The following GNAO1 variants were observed in gnomAD, a reference collection of about 807,000 sequenced individuals.
GNAO1 encodes the protein guanine nucleotide-binding protein G(o) subunit alpha.
For missense variants in GNAO1, 166 were observed against 478.7 expected (o/e 0.35, Z 6.10); for synonymous variants, 164 against 180.7 (o/e 0.91, Z 0.74).
chr16:56,314,647 G>A (rs1030460878), intron 3 of GNAO1, among the ~76,000 whole-genome samples: 42 of 152,206 alleles, frequency 2.8e-4, no homozygotes, highest in Non-Finnish European at 1.9e-4. Flanking sequence ...GCCCGGCGCC[G>A]AGTCCAGCGC....
chr16:56,259,253 C>T (rs2036881286), intron 2 of GNAO1, among the ~76,000 whole-genome samples: 2 of 152,224 alleles, frequency 1.3e-5, no homozygotes, highest in South Asian at 2.1e-4. Context: ...AATGCCGCCT[C>T]CTTGTCAGGG....
At chr16:56,292,829 A>G (rs1264478366) in intron 3 of GNAO1, among the ~76,000 whole-genome samples, 3 of 152,230 alleles carry the variant, frequency 2.0e-5, no homozygotes, top group Non-Finnish European at 2.9e-5. Flanking sequence ...AAGCCCTAGT[A>G]TGGTAGCAAC....
At chr16:56,332,585 G>A (rs2037700103) in intron 4 of GNAO1, among the ~76,000 whole-genome samples, 2 of 152,202 alleles carry the variant, frequency 1.3e-5, no homozygotes. Context: ...TGGGAAGGTG[G>A]GGCTGTGTCG....
chr16:56,348,037 C>T, intron 6 of GNAO1: 1 of 980,208 alleles, frequency 1.0e-6, no homozygotes, highest in South Asian at 4.7e-5. Context: ...TGCAGTGGTC[C>T]CACCTCCCAA....
At chr16:56,328,257 A>G (rs1410182901) in intron 3 of GNAO1, among the ~76,000 whole-genome samples, 2 of 152,208 alleles carry the variant, frequency 1.3e-5, no homozygotes, top group East Asian at 3.9e-4. Flanking sequence ...ATGAAAGCAG[A>G]GCTGCTGGTT....
chr16:56,308,743 C>T (rs1029994903), intron 3 of GNAO1, among the ~76,000 whole-genome samples: 10 of 152,224 alleles, frequency 6.6e-5, no homozygotes, highest in Non-Finnish European at 1.3e-4. Flanking sequence ...CCGGCACCCA[C>T]GGGGCTGGGC....
intron 3 of GNAO1, among the ~76,000 whole-genome samples, chr16:56,285,416 C>T (rs1398530817): frequency 6.6e-6 from 1 of 152,174 alleles, no homozygotes; most frequent in Non-Finnish European, 1.5e-5. Flanking sequence ...CCACCAAACC[C>T]CCACCTGGCA....
At chr16:56,338,724 G>A (rs1298265285) in intron 6 of GNAO1, among the ~76,000 whole-genome samples, 1 of 152,236 alleles carries the variant, frequency 6.6e-6, no homozygotes, top group African/African-American at 2.4e-5. Flanking sequence ...GCTCACCTCT[G>A]GAAGATGGAA....
chr16:56,211,054 T>C (rs1164472963), intron 2 of GNAO1, among the ~76,000 whole-genome samples: 1 of 152,224 alleles, frequency 6.6e-6, no homozygotes, highest in Non-Finnish European at 1.5e-5. Context: ...TAGGTTCCTA[T>C]GGCTAGCTAG....
chr16:56,333,490 G>A (rs760557112), intron 4 of GNAO1, among the ~76,000 whole-genome samples: 20 of 152,204 alleles, frequency 1.3e-4, no homozygotes, highest in South Asian at 4.1e-4. Flanking sequence ...GATTACAGGC[G>A]TGAGCCACCG....
In GNAO1 at chr16:56,237,875, TA is replaced by T. The variant is rs371985203; in HGVS notation, c.162-38052del. 2.2e-3 allele frequency among the ~76,000 whole-genome samples: 339 copies of T among 152,326 alleles called. 2 individuals are homozygous for T. Among genetic ancestry groups the T allele is most frequent in the African/African-American group, 7.9e-3 (329 of 41,584 alleles). ...CGTTGCAAGGCCAGCTGGCAACGGA[TA>T]AAAGACCCAAGTTAGTGTCTAGGTT... is the stretch of plus-strand genomic sequence containing the variant. On this transcript the variant is annotated intron_variant, in intron 2 of 8. Coordinates refer to ENST00000262493, the MANE Select transcript of GNAO1 (RefSeq NM_020988.3).
At chr16:56,300,780 C>T (rs2037336793) in intron 3 of GNAO1, 2 of 152,244 alleles carry the variant, frequency 1.3e-5, no homozygotes, top group African/African-American at 4.8e-5. Context: ...TCCCACTTGG[C>T]TCTGGTGCCC....
intron 3 of GNAO1, among the ~76,000 whole-genome samples, chr16:56,283,231 A>G (rs991855133): frequency 1.3e-5 from 2 of 152,062 alleles, no homozygotes; most frequent in African/African-American, 4.8e-5. Flanking sequence ...GAGACTCAAG[A>G]TTTTTCTGTT....
chr16:56,260,515 C>G (rs1195048677), intron 2 of GNAO1, among the ~76,000 whole-genome samples: 2 of 152,150 alleles, frequency 1.3e-5, no homozygotes, highest in African/African-American at 4.8e-5. Context: ...TCCTGCTGGC[C>G]TCTCAGACTG....
intron 3 of GNAO1, among the ~76,000 whole-genome samples, chr16:56,318,272 A>AGC (rs2037533830): frequency 6.6e-6 from 1 of 152,056 alleles, no homozygotes. Context: ...CCTGGGTGGG[A>AGC]GCGCTAGTTA....
chr16:56,325,757 G>A (rs548338632), intron 3 of GNAO1, among the ~76,000 whole-genome samples: 1 of 152,246 alleles, frequency 6.6e-6, no homozygotes, highest in African/African-American at 2.4e-5. Context: ...AGAAACTAAC[G>A]GGATAGGGCT....
chr16:56,207,217 T>C (rs1430727752), intron 2 of GNAO1, among the ~76,000 whole-genome samples: 2 of 152,264 alleles, frequency 1.3e-5, no homozygotes, highest in Non-Finnish European at 2.9e-5. Flanking sequence ...ATTTTGGCTT[T>C]GCCATTTGTT....
chr16:56,251,873 A>G lies in GNAO1; in HGVS notation c.162-24058A>G, dbSNP rs114136781. ...TCTTCCCTGATCAAGAGCTGGCTCC[A>G]GAGTGAACTGTAAAGCACCCCTGTT... On this transcript the variant is annotated intron_variant, in intron 2 of 8. Transcript: ENST00000262493. Among the ~76,000 whole-genome samples, 805 of 152,292 alleles carry G rather than the reference A, an allele frequency of 5.3e-3. 9 individuals carry two copies. Among genetic ancestry groups the G allele is most frequent in the African/African-American group, 0.018 (742 of 41,560 alleles).
At position 56,332,545 on chromosome 16, in the gene GNAO1, C is replaced by T. The variant is rs1235950264; in HGVS notation, c.465-2184C>T. On this transcript the variant is annotated intron_variant, in intron 4 of 8. Coordinates refer to ENST00000262493, the MANE Select transcript of GNAO1 (RefSeq NM_020988.3). Reference sequence around the variant, plus strand: ...ACTCTTCTGTTTACCACCTCACACACGTGTGCACACTCACTTGGAACACAG... The same window carrying T: ...ACTCTTCTGTTTACCACCTCACACATGTGTGCACACTCACTTGGAACACAG... 2.0e-5 allele frequency among the ~76,000 whole-genome samples: 3 copies of T among 152,248 alleles called. No individual in the cohort carries two copies. In the South Asian group the frequency reaches 6.2e-4, roughly 32 times the overall value.
Sources: gnomAD v4.1 joint callset for allele counts (sites outside exome capture counted in the v4.1 genomes callset) on GRCh38, gnomAD v4.1.1 for gene constraint, MANE v1.5 for transcripts, NCBI Gene and HGNC (gene_info 2026-07-23, HGNC 2026-07-21) for gene names.